Variants in SULF2 observed in about 807,000 individuals in gnomAD.
SULF2 encodes extracellular sulfatase Sulf-2.
In SULF2, 52 loss-of-function variants were observed where a neutral mutation model predicts 107.7. The ratio of observed to expected loss-of-function variants is 0.48; its 90% CI spans 0.39 to 0.61. The LOEUF (loss-of-function observed/expected upper bound fraction) is 0.61. Among genes scored for constraint, SULF2 ranks in the 20% least tolerant of loss-of-function variants. The pLI, the probability that SULF2 is intolerant of heterozygous loss-of-function variation, is 0.00. For missense variants in SULF2, 993 were observed against 1,177.3 expected (o/e 0.84, Z 2.29); for synonymous variants, 460 against 464.3 (o/e 0.99, Z 0.12).
At chr20:47,767,908 C>CAA (rs11483856) in intron 1 of SULF2, among the ~76,000 whole-genome samples, 13,496 of 139,902 alleles carry the variant, frequency 0.096, 660 homozygotes, top group Middle Eastern at 0.14. Flanking sequence ...GACTCTGTCT[C>CAA]AAAAAAAAAA....
intron 10 of SULF2, chr20:47,672,645 C>T: frequency 1.4e-6 from 1 of 725,886 alleles, no homozygotes; most frequent in Non-Finnish European, 1.7e-6. Context: ...CTTCTGTCTG[C>T]TCCTAAAATC....
chr20:47,737,755 GTTTTTTTTTTT>G (rs11484375), intron 2 of SULF2, among the ~76,000 whole-genome samples: 5 of 61,834 alleles, frequency 8.1e-5, no homozygotes, highest in African/African-American at 3.1e-4. Context: ...TCTTTTCTTT[GTTTTTTTTTTT>G]TTTTTTTTTT....
At position 47,657,989 on chromosome 20, in the gene SULF2, T is replaced by C. The variant is rs771881125; in HGVS notation, c.*373A>G. 5.1e-5 allele frequency: 14 copies of C among 275,500 alleles called. No homozygotes were observed. In the Middle Eastern group the frequency reaches 3.6e-3, roughly 70 times the overall value. 17.1% of individuals were successfully genotyped at this position (275,500 alleles called of 1,614,324 possible). A position where few individuals can be genotyped will look rare whatever the true frequency, so the allele number is the denominator to read the frequency against. On this transcript the variant is annotated 3_prime_UTR_variant, in exon 21 of 21. Transcript: ENST00000688720. ...GAACAGGACTGCTTTTCCCCTATGATTTAAAAATTCCAATGACTTTCGCCC... is the reference window on the plus strand; with the variant it reads ...GAACAGGACTGCTTTTCCCCTATGACTTAAAAATTCCAATGACTTTCGCCC...
In SULF2 at chr20:47,676,600, T is replaced by C. The variant is rs1210699386; in HGVS notation, c.1274A>G (p.Asn425Ser). Residue 425 changes from asparagine (N) to serine (S), a missense_variant, in exon 10 of 21, where the codon AAT (asparagine) becomes AGT (serine). Asn to Ser is a conservative substitution (Grantham distance 46). Transcript: ENST00000688720. ...ERGKLLHKRD[N>S]DKVDAQEENF... ...CTCCTCCTGGGCGTCCACCTTGTCATTGTCTCTCTTGTGTAGCAGCTTGCT... is the reference window on the plus strand; with the variant it reads ...CTCCTCCTGGGCGTCCACCTTGTCACTGTCTCTCTTGTGTAGCAGCTTGCT... The C allele has an allele frequency of 6.4e-7, 1 of 1,555,594 alleles. No homozygotes were observed. Among genetic ancestry groups the C allele is most frequent in the Non-Finnish European group, 8.7e-7 (1 of 1,149,602 alleles).
intron 6 of SULF2, 26 bp from the exon 7 acceptor site, chr20:47,683,195 G>A: frequency 6.4e-7 from 1 of 1,559,766 alleles, no homozygotes; most frequent in Non-Finnish European, 8.7e-7. Flanking sequence ...GGAGGCAAGG[G>A]ACAGTGGGGA....
chr20:47,667,750 G>T (rs2087325141), intron 11 of SULF2, among the ~76,000 whole-genome samples: 1 of 152,188 alleles, frequency 6.6e-6, no homozygotes. Flanking sequence ...GCCAGTTAGT[G>T]ACCCAGGTTT....
At chr20:47,786,026 GGACACACAGACGCACACTCACTC>G (rs1463835295), upstream of SULF2, 11 of 152,056 alleles carry the variant, frequency 7.2e-5, no homozygotes, top group Admixed American at 7.2e-4. Context: ...ACCCTCGCCG[GGACACACAGACGCACACTCACTC>G]GACACACTCT....
intron 1 of SULF2, among the ~76,000 whole-genome samples, chr20:47,772,927 C>A (rs1430415396): frequency 2.0e-5 from 3 of 152,124 alleles, no homozygotes; most frequent in South Asian, 2.1e-4. Context: ...TTGTCTAAAG[C>A]AGGGACAAAT....
intron 18 of SULF2, among the ~76,000 whole-genome samples, chr20:47,660,983 T>C (rs918033305): frequency 2.6e-5 from 4 of 152,154 alleles, no homozygotes; most frequent in African/African-American, 9.7e-5. Context: ...CATTTCTCCC[T>C]GGATAACTGG....
At chr20:47,668,908 T>C (rs1027546423) in intron 11 of SULF2, among the ~76,000 whole-genome samples, 1 of 152,160 alleles carries the variant, frequency 6.6e-6, no homozygotes, top group African/African-American at 2.4e-5. Flanking sequence ...CACAGGGTCT[T>C]TGTACTCCAT....
rs753876971 is a variant in SULF2, at chr20:47,684,486, A to G, written c.833T>C (p.Met278Thr). Residue 278 changes from methionine to threonine, a missense_variant, in exon 6 of 21, where the codon ATG becomes ACG. By Grantham distance (81) the Met-to-Thr change is moderately conservative. Around this residue, in one of 3 missense-constraint regions of SULF2, gnomAD observed 388 missense variants for 449.2 expected, o/e 0.86. Transcript: ENST00000688720. ...GGTCTGCAAGCGCTTCCGCTGGAGC[A>G]TGTTGGTGAATTCCATGTGGATGGG... The part of the protein sequence containing the change: ...MKPIHMEFTN[M>T]LQRKRLQTLM... 6.2e-7 allele frequency: 1 copy of G among 1,613,828 alleles called. No homozygotes were observed. The highest frequency in any genetic ancestry group is 1.1e-5 in the South Asian group (1 of 91,058).
intron 4 of SULF2, among the ~76,000 whole-genome samples, chr20:47,697,312 T>A (rs1012333080): frequency 6.6e-6 from 1 of 152,200 alleles, no homozygotes; most frequent in Non-Finnish European, 1.5e-5. Flanking sequence ...CATGTGCCCA[T>A]CTGTGGATTA....
chr20:47,749,729 A>C, intron 2 of SULF2, among the ~76,000 whole-genome samples: 1 of 152,230 alleles, frequency 6.6e-6, no homozygotes, highest in East Asian at 1.9e-4. Flanking sequence ...TTCTTTCAAA[A>C]GCCTGCCTCT....
At chr20:47,671,465 G>T (rs2087468300) in intron 11 of SULF2, among the ~76,000 whole-genome samples, 1 of 152,024 alleles carries the variant, frequency 6.6e-6, no homozygotes, top group Admixed American at 6.5e-5. Flanking sequence ...GTAGAGATGG[G>T]GTTTCACCAT....
chr20:47,673,157 A>T (rs889711299), intron 10 of SULF2, among the ~76,000 whole-genome samples: 1 of 152,140 alleles, frequency 6.6e-6, no homozygotes, highest in Non-Finnish European at 1.5e-5. Flanking sequence ...GGGATTCTGC[A>T]ACCACCTGTA....
intron 17 of SULF2, among the ~76,000 whole-genome samples, chr20:47,662,438 C>T (rs2087107845): frequency 6.6e-6 from 1 of 152,220 alleles, no homozygotes; most frequent in African/African-American, 2.4e-5. Context: ...GACATTTAAA[C>T]ATCAGATTTC....
chr20:47,767,383 A>T (rs2090547190), intron 1 of SULF2, among the ~76,000 whole-genome samples: 1 of 152,166 alleles, frequency 6.6e-6, no homozygotes, highest in South Asian at 2.1e-4. Flanking sequence ...GGCGGCTTAC[A>T]CCTGTAATCC....
At chr20:47,722,711 C>A (rs933867070) in intron 3 of SULF2, among the ~76,000 whole-genome samples, 1 of 152,160 alleles carries the variant, frequency 6.6e-6, no homozygotes, top group African/African-American at 2.4e-5. Flanking sequence ...GCAGGCAGAT[C>A]ACTTGAGGTC....
intron 2 of SULF2, among the ~76,000 whole-genome samples, chr20:47,739,003 C>T (rs964012182): frequency 3.7e-4 from 57 of 152,124 alleles, no homozygotes; most frequent in African/African-American, 1.4e-3. Context: ...CAAAGGGAAG[C>T]AGAGACTGGA....
Sources: gnomAD v4.1 joint callset for allele counts (sites outside exome capture counted in the v4.1 genomes callset) on GRCh38, gnomAD v4.1.1 for gene constraint, gnomAD v4.1.1 regional missense constraint, MANE v1.5 for transcripts, NCBI Gene and HGNC (gene_info 2026-07-23, HGNC 2026-07-21) for gene names.